Variants in MPHOSPH9 observed in about 807,000 individuals in gnomAD.
MPHOSPH9 encodes the protein M-phase phosphoprotein 9.
Under a neutral mutation model 145.5 loss-of-function variants are expected in MPHOSPH9, and 88 were observed. The observed-to-expected ratio is 0.60, with a 90% CI of 0.51 to 0.72. MPHOSPH9 has a LOEUF of 0.72. MPHOSPH9 is among the 30% of genes least tolerant of loss of function. The probability of loss-of-function intolerance (pLI) is 0.00; values close to 1 mark genes in which losing one functional copy is unlikely to be tolerated. For synonymous variants in MPHOSPH9, 435 were observed against 486.2 expected (o/e 0.89, Z 1.39); for missense variants, 1,238 against 1,386.6 (o/e 0.89, Z 1.70).
chr12:123,163,857 G>T, intron 19 of MPHOSPH9, 93 bp downstream of exon 19: 2 of 1,507,720 alleles, frequency 1.3e-6, no homozygotes, highest in South Asian at 2.4e-5. Flanking sequence ...GAGGATACAA[G>T]AGAAACCAGA....
intron 13 of MPHOSPH9, among the ~76,000 whole-genome samples, chr12:123,189,705 C>T (rs935747319): frequency 1.3e-5 from 2 of 152,086 alleles, no homozygotes; most frequent in Admixed American, 6.5e-5. Flanking sequence ...GAGGCCGAGG[C>T]GGGCGGATCA....
Position 123,218,398 on chromosome 12 carries a change from C to T in MPHOSPH9, c.974G>A (p.Ser325Asn). The stretch of plus-strand genomic sequence containing the variant: ...TACTTTCTCAATTGGTGTCTTCTTA[C>T]TTTGCTCATTTCCTTGTTTAGATCT... ...GSRSKQGNEQ[S>N]KKTPIEKSDF... is the part of the protein sequence containing the mutation. Residue 325 changes from serine (S) to asparagine (N), a missense_variant, in exon 6 of 24, where the codon AGT (serine) becomes AAT (asparagine). Physicochemically the swap from Ser to Asn is conservative, Grantham distance 46 (BLOSUM62 1). Around this residue, in one of 3 missense-constraint regions of MPHOSPH9, gnomAD observed 837 missense variants for 897.5 expected, o/e 0.93. Transcript: ENST00000606320. The T allele has an allele frequency of 1.9e-6, 3 of 1,614,104 alleles. No individual in the cohort carries two copies. The highest frequency in any genetic ancestry group is 1.1e-5 in the South Asian group (1 of 91,082).
intron 11 of MPHOSPH9, among the ~76,000 whole-genome samples, chr12:123,198,861 T>C (rs939159443): frequency 8.1e-6 from 1 of 124,164 alleles, no homozygotes; most frequent in African/African-American, 3.0e-5. Context: ...TTAAAAGATA[T>C]AAAAAAAAGA....
At chr12:123,225,174 C>T (rs547064763) in intron 3 of MPHOSPH9, among the ~76,000 whole-genome samples, 11 of 151,612 alleles carry the variant, frequency 7.3e-5, no homozygotes, top group Non-Finnish European at 1.3e-4. Context: ...CTGGGCACAG[C>T]GGCTCATGCC....
At chr12:123,233,699 G>GA (rs2047772375), upstream of MPHOSPH9, 1 of 152,284 alleles carries the variant, frequency 6.6e-6, no homozygotes, top group Non-Finnish European at 1.5e-5. Context: ...GGCCGGCCGT[G>GA]ACACCCGAGC....
At chr12:123,158,046 G>C (rs964457363) in intron 23 of MPHOSPH9, among the ~76,000 whole-genome samples, 4 of 151,864 alleles carry the variant, frequency 2.6e-5, no homozygotes, top group African/African-American at 9.7e-5. Flanking sequence ...CTGGAGTGCA[G>C]TGGCACAATC....
At chr12:123,181,025 A>G (rs1342376312) in intron 14 of MPHOSPH9, 138 bp downstream of exon 14, 2 of 759,438 alleles carry the variant, frequency 2.6e-6, no homozygotes, top group East Asian at 5.0e-5. Context: ...ATACTGAAAC[A>G]GGATAAGCAA....
intron 14 of MPHOSPH9, 74 bp downstream of exon 14, chr12:123,181,089 G>T: frequency 1.5e-6 from 2 of 1,377,130 alleles, no homozygotes; most frequent in Non-Finnish European, 2.1e-6. Flanking sequence ...GAGGAGAAGA[G>T]TCAGATCCCT....
intron 16 of MPHOSPH9, among the ~76,000 whole-genome samples, chr12:123,169,789 C>T (rs1362249381): frequency 2.0e-5 from 3 of 151,612 alleles, no homozygotes; most frequent in Admixed American, 6.6e-5. Flanking sequence ...TTAGAAGTGA[C>T]GGGGTTTCAC....
At chr12:123,173,744 T>C (rs1035553956) in intron 16 of MPHOSPH9, among the ~76,000 whole-genome samples, 2 of 152,242 alleles carry the variant, frequency 1.3e-5, no homozygotes, top group African/African-American at 4.8e-5. Context: ...AAGAAACTCC[T>C]GTGCTGGAGA....
chr12:123,238,274 C>G (rs1420171873), intron 1 of MPHOSPH9, among the ~76,000 whole-genome samples: 1 of 152,134 alleles, frequency 6.6e-6, no homozygotes, highest in African/African-American at 2.4e-5. Context: ...GCTTCTGGCA[C>G]CACCTGCTGG....
At chr12:123,198,564 C>G (rs906345615) in intron 11 of MPHOSPH9, among the ~76,000 whole-genome samples, 1 of 151,964 alleles carries the variant, frequency 6.6e-6, no homozygotes, top group African/African-American at 2.4e-5. Context: ...AATACTAACA[C>G]TTTGGGAGGC....
At chr12:123,152,733 A>G (rs2043799722), downstream of MPHOSPH9, 1 of 355,386 alleles carries the variant, frequency 2.8e-6, no homozygotes, top group Non-Finnish European at 5.6e-6. Context: ...TTGGCAGGGC[A>G]GGAAATTATT....
intron 13 of MPHOSPH9, among the ~76,000 whole-genome samples, chr12:123,181,848 GCA>G (rs2045169177): frequency 6.6e-6 from 1 of 152,112 alleles, no homozygotes; most frequent in African/African-American, 2.4e-5. Flanking sequence ...TTGCACCACT[GCA>G]CTCTAGCCTG....
chr12:123,170,063 G>A (rs1212290727), intron 16 of MPHOSPH9, among the ~76,000 whole-genome samples: 5 of 148,272 alleles, frequency 3.4e-5, no homozygotes, highest in East Asian at 4.0e-4. Context: ...GTACAGCCTC[G>A]ACCCCTCAGG....
intron 16 of MPHOSPH9, among the ~76,000 whole-genome samples, chr12:123,172,132 G>A (rs1039317476): frequency 6.6e-6 from 1 of 152,086 alleles, no homozygotes; most frequent in Admixed American, 6.6e-5. Context: ...AATCCACGTT[G>A]ACCGTCTAGC....
At chr12:123,233,798 AC>A (rs1207691824), upstream of MPHOSPH9, 2 of 152,648 alleles carry the variant, frequency 1.3e-5, no homozygotes, top group Non-Finnish European at 2.9e-5. Context: ...AGGAGAGACT[AC>A]CGTCCTGGAG....
rs765054137 is a variant in MPHOSPH9 at position 123,203,005 on chromosome 12, G to A, written c.1400C>T (p.Ala467Val). 6.2e-7 allele frequency: 1 copy of A among 1,614,182 alleles called. No homozygotes were observed. Among genetic ancestry groups the A allele is most frequent in the Admixed American group, 1.7e-5 (1 of 60,002 alleles). ...GGAAAAGGATATTCTGTCATCAAGG[G>A]CATTCGGAAGGCCGTGAGGTTGAAT... is the stretch of plus-strand genomic sequence containing the variant. ...SGIQPHGLPN[A>V]LDDRISFSPD... The change falls in exon 10 of 24, where the codon GCC (alanine) becomes GTC (valine). Residue 467 changes from alanine (A) to valine (V), a missense_variant. By Grantham distance (64) the Ala-to-Val change is moderately conservative. This residue lies in a region of MPHOSPH9 where 837 missense variants were observed against 897.5 expected (regional missense o/e 0.93). Transcript: ENST00000606320.
chr12:123,192,263 G>C (rs533138088), intron 13 of MPHOSPH9, among the ~76,000 whole-genome samples: 6 of 152,052 alleles, frequency 3.9e-5, no homozygotes, highest in African/African-American at 1.4e-4. Flanking sequence ...AGACCAGCCT[G>C]GGCAACATGG....
Sources: gnomAD v4.1 joint callset for allele counts (sites outside exome capture counted in the v4.1 genomes callset) on GRCh38, gnomAD v4.1.1 for gene constraint, gnomAD v4.1.1 regional missense constraint, MANE v1.5 for transcripts, NCBI Gene and HGNC (gene_info 2026-07-23, HGNC 2026-07-21) for gene names.